GPATCH1: variants seen among roughly 807,000 people sequenced by gnomAD.
GPATCH1 encodes the protein G patch domain-containing protein 1.
In GPATCH1, 73 loss-of-function variants were observed where a neutral mutation model predicts 114.9. That is an observed-to-expected ratio of 0.64 (90% CI 0.53 to 0.77). The LOEUF is 0.77. Ranked by LOEUF, GPATCH1 falls within the 30% of genes least tolerant of loss-of-function variation. GPATCH1 has a pLI of 0.00. For missense variants in GPATCH1, 1,058 were observed against 1,144.3 expected, an observed-to-expected ratio of 0.92 and a Z score of 1.09; for synonymous variants, 391 against 428.4, an observed-to-expected ratio of 0.91 and a Z score of 1.08.
chr19:33,117,626 G>A (rs1223304947), intron 15 of GPATCH1, among the ~76,000 whole-genome samples, 199 bp from the exon 16 acceptor site: 4 of 152,092 alleles, frequency 2.6e-5, no homozygotes, highest in Non-Finnish European at 5.9e-5. Context: ...TCAGCACATT[G>A]TACAGTTGTT....
intron 8 of GPATCH1, among the ~76,000 whole-genome samples, chr19:33,099,581 C>T (rs1344908015): frequency 2.6e-5 from 4 of 151,508 alleles, no homozygotes; most frequent in East Asian, 3.9e-4. Context: ...CTAGTCTCCA[C>T]GGTTGATTTT....
intron 7 of GPATCH1, among the ~76,000 whole-genome samples, chr19:33,097,177 C>T (rs1972671086): frequency 6.6e-6 from 1 of 152,004 alleles, no homozygotes; most frequent in Non-Finnish European, 1.5e-5. Flanking sequence ...CTCCTGACCT[C>T]AGGTGATCCA....
At chr19:33,107,933 G>A (rs779002086) in intron 10 of GPATCH1, among the ~76,000 whole-genome samples, 1 of 151,594 alleles carries the variant, frequency 6.6e-6, no homozygotes, top group Admixed American at 6.6e-5. Context: ...CATGTGCCAC[G>A]TTCGTGTGCT....
intron 17 of GPATCH1, among the ~76,000 whole-genome samples, chr19:33,122,146 G>A (rs1018681731): frequency 1.3e-5 from 2 of 151,550 alleles, no homozygotes; most frequent in Non-Finnish European, 2.9e-5. Flanking sequence ...AGCCTCTGGA[G>A]TAACTGGGAT....
chr19:33,120,326 T>TTTTATAC (rs1599866008), intron 17 of GPATCH1, among the ~76,000 whole-genome samples: 7 of 140,466 alleles, frequency 5.0e-5, no homozygotes, highest in African/African-American at 1.4e-4. Context: ...AAAAATGATA[T>TTTTATAC]ATAAAATTAT....
intron 16 of GPATCH1, among the ~76,000 whole-genome samples, 156 bp from the exon 17 acceptor site, chr19:33,118,854 C>T (rs139733494): frequency 4.6e-5 from 7 of 152,312 alleles, no homozygotes; most frequent in South Asian, 2.1e-4. Context: ...AGGGCAGCAC[C>T]GGGGTCTGCG....
chr19:33,107,627 A>G (rs1427349730), intron 10 of GPATCH1, among the ~76,000 whole-genome samples: 2 of 152,218 alleles, frequency 1.3e-5, no homozygotes, highest in African/African-American at 2.4e-5. Flanking sequence ...AAGTCCCACC[A>G]TGAGAGGTGG....
At chr19:33,083,018 C>G (rs62125278) in intron 1 of GPATCH1, among the ~76,000 whole-genome samples, 1 of 151,412 alleles carries the variant, frequency 6.6e-6, no homozygotes, top group South Asian at 2.1e-4. Context: ...GCGGGCAGAT[C>G]GCGAATTCAG....
intron 15 of GPATCH1, among the ~76,000 whole-genome samples, chr19:33,116,000 A>T (rs1972912638): frequency 6.8e-6 from 1 of 147,088 alleles, no homozygotes; most frequent in Non-Finnish European, 1.5e-5. Context: ...TAATTTTTAT[A>T]TTCCATTTGA....
intron 1 of GPATCH1, among the ~76,000 whole-genome samples, chr19:33,084,909 C>G (rs1972520075): frequency 6.6e-6 from 1 of 152,194 alleles, no homozygotes. Flanking sequence ...GATCCGCCCG[C>G]CTCGGCCTCC....
intron 2 of GPATCH1, 122 bp from the exon 3 acceptor site, chr19:33,090,658 T>C: frequency 1.6e-6 from 1 of 625,308 alleles, no homozygotes; most frequent in Non-Finnish European, 2.9e-6. Flanking sequence ...AGCACTGAGA[T>C]GGGAAGTAGC....
At chr19:33,100,574 G>A (rs1431550845) in intron 8 of GPATCH1, among the ~76,000 whole-genome samples, 2 of 129,630 alleles carry the variant, frequency 1.5e-5, no homozygotes, top group African/African-American at 6.0e-5. Context: ...GTGACAGAGC[G>A]AGACTCCATC....
intron 10 of GPATCH1, among the ~76,000 whole-genome samples, chr19:33,108,521 T>C (rs893560408): frequency 2.0e-5 from 3 of 151,940 alleles, no homozygotes; most frequent in Admixed American, 6.6e-5. Flanking sequence ...TTTTTTTTTT[T>C]AGCTTATGAC....
At chr19:33,095,283 G>A (rs1261916504) in intron 5 of GPATCH1, among the ~76,000 whole-genome samples, 1 of 113,358 alleles carries the variant, frequency 8.8e-6, no homozygotes, top group African/African-American at 3.4e-5. Context: ...TTTTTTTTGA[G>A]ATGGAGTTTC....
chr19:33,089,374 G>A (rs1972569825), intron 2 of GPATCH1, among the ~76,000 whole-genome samples: 1 of 152,206 alleles, frequency 6.6e-6, no homozygotes. Context: ...TCTACCTGGG[G>A]AAAAGTCAGT....
At chr19:33,091,228 G>A (rs148242503) in intron 3 of GPATCH1, among the ~76,000 whole-genome samples, 3,033 of 151,964 alleles carry the variant, frequency 0.02, 86 homozygotes, top group African/African-American at 0.07. Context: ...TGGCTAACAC[G>A]GTGAAACCCC....
chr19:33,093,786 C>T (rs1291463160), intron 4 of GPATCH1, among the ~76,000 whole-genome samples: 1 of 152,210 alleles, frequency 6.6e-6, no homozygotes, highest in Non-Finnish European at 1.5e-5. Flanking sequence ...CCCTCCAGAC[C>T]TTATAGCCTC....
intron 19 of GPATCH1, 71 bp downstream of exon 19, chr19:33,126,804 A>G (rs938291966): frequency 7.8e-7 from 1 of 1,284,992 alleles, no homozygotes; most frequent in Non-Finnish European, 1.1e-6. Context: ...GTGTTTGCTT[A>G]GAGGCAAATA....
In GPATCH1 at chr19:33,111,768, C is replaced by T. The variant is rs768764360; in HGVS notation, c.1630C>T (p.Arg544Ter). The T allele has an allele frequency of 8.1e-6, 13 of 1,613,960 alleles. No homozygotes were observed. The East Asian group carries it at 1.1e-4, about 14-fold the overall frequency. Residue 544 changes from arginine (R) to a stop codon, truncating the protein, a stop_gained, in exon 12 of 20, where the codon CGA becomes TGA. Coordinates refer to ENST00000170564, the MANE Select transcript of GPATCH1 (RefSeq NM_018025.3). LOFTEE classifies it high-confidence loss of function. ...CLDPSMTEWE[R>*]GRERDEFARA... is the part of the protein sequence containing the mutation. ...GGACCCCAGCATGACAGAGTGGGAG[C>T]GAGGCCGTGAGCGGGATGAGTTTGC...
Sources: allele counts gnomAD v4.1 joint callset (sites outside exome capture counted in the v4.1 genomes callset), GRCh38; gene constraint gnomAD v4.1.1; transcripts MANE v1.5; gene names NCBI Gene and HGNC (gene_info 2026-07-23, HGNC 2026-07-21).